Variants in SLC30A9 observed in about 807,000 individuals in gnomAD.
The protein encoded by SLC30A9 is proton-coupled zinc antiporter SLC30A9, mitochondrial.
A neutral mutation model predicts 87.5 loss-of-function variants in SLC30A9; 58 were observed. The ratio of observed to expected loss-of-function variants is 0.66; its 90% CI spans 0.54 to 0.82. The LOEUF is 0.82. SLC30A9 is among the 40% of genes least tolerant of loss of function. SLC30A9 has a pLI of 0.00. For synonymous variants in SLC30A9, 234 were observed against 233.0 expected, an observed-to-expected ratio of 1.00 and a Z score of -0.04; for missense variants, 557 against 679.1, an observed-to-expected ratio of 0.82 and a Z score of 2.00.
chr4:42,054,453 T>TA (rs1717519776), intron 9 of SLC30A9, among the ~76,000 whole-genome samples: 1 of 152,102 alleles, frequency 6.6e-6, no homozygotes, highest in Non-Finnish European at 1.5e-5. Flanking sequence ...GAAATGTGAT[T>TA]ACTTAGTAGA....
At position 42,031,905 on chromosome 4, in the gene SLC30A9, G is replaced by C. The variant is rs867931628; in HGVS notation, c.611-3370G>C. ...CTATCTAGCTGTTTAGTCAGTTCTC[G>C]TATTGCTATAAAGAAATACCTGAGA... On this transcript the variant is annotated intron_variant, in intron 6 of 17. Transcript: ENST00000264451. Among the ~76,000 whole-genome samples the C allele has an allele frequency of 2.0e-5, 3 of 152,182 alleles. No individual in the cohort carries two copies. The East Asian group carries it at 5.8e-4, about 29-fold the overall frequency.
intron 16 of SLC30A9, 97 bp downstream of exon 16, chr4:42,075,883 T>C: frequency 8.4e-7 from 1 of 1,192,802 alleles, no homozygotes; most frequent in South Asian, 1.6e-5. Flanking sequence ...TTAAAGGCAC[T>C]TTAGCTCTCA....
In SLC30A9 at chr4:42,072,812, C is replaced by CTT. The variant is rs71200203; in HGVS notation, c.1418+2139_1418+2140dup. 1.3e-3 allele frequency among the ~76,000 whole-genome samples: 153 copies of CTT among 118,140 alleles called. 1 individual carries two copies. Among genetic ancestry groups the CTT allele is most frequent in the African/African-American group, 4.2e-3 (138 of 32,928 alleles). The allele number at this position is 118,140 out of a possible 152,430, so 77.5% of individuals were successfully genotyped here. A position where few individuals can be genotyped will look rare whatever the true frequency, so the allele number is the denominator to read the frequency against. ...TATCTTCTTGCTCTATTGTTCTATC[C>CTT]TTTTTTTTTTTTTTTTTTTAGATGG... is the stretch of plus-strand genomic sequence containing the variant. On this transcript the variant is annotated intron_variant, in intron 15 of 17. Transcript: ENST00000264451.
intron 9 of SLC30A9, 87 bp downstream of exon 9, chr4:42,049,566 T>A: frequency 1.5e-6 from 1 of 659,980 alleles, no homozygotes; most frequent in Non-Finnish European, 2.5e-6. Flanking sequence ...TAAAACTGAA[T>A]GATTCCAGTA....
At chr4:42,072,897 T>TC (rs1223739648) in intron 15 of SLC30A9, among the ~76,000 whole-genome samples, 1 of 148,402 alleles carries the variant, frequency 6.7e-6, no homozygotes, top group African/African-American at 2.5e-5. Flanking sequence ...CACTGGAACC[T>TC]CCGCCTCCCA....
chr4:42,049,561 CTG>C (rs1259746506), intron 9 of SLC30A9, 82 bp downstream of exon 9: 1 of 696,890 alleles, frequency 1.4e-6, no homozygotes, highest in African/African-American at 1.8e-5. Context: ...TATTTTAAAA[CTG>C]AATGATTCCA....
At chr4:42,032,539 A>G (rs4861013) in intron 6 of SLC30A9, among the ~76,000 whole-genome samples, 38,319 of 152,012 alleles carry the variant, frequency 0.25, 7,068 homozygotes, top group African/African-American at 0.53. Flanking sequence ...CAAAATTTCA[A>G]AGTGGAAATT....
intron 8 of SLC30A9, among the ~76,000 whole-genome samples, chr4:42,041,164 A>G (rs1279964689): frequency 6.6e-6 from 1 of 152,226 alleles, no homozygotes; most frequent in Non-Finnish European, 1.5e-5. Context: ...CTCATGCTTC[A>G]GTCATCTCCC....
At chr4:42,027,642 G>A (rs989567567) in intron 6 of SLC30A9, among the ~76,000 whole-genome samples, 3 of 152,030 alleles carry the variant, frequency 2.0e-5, no homozygotes, top group Admixed American at 2.0e-4. Flanking sequence ...AATATATGTT[G>A]ACATTACTAG....
intron 8 of SLC30A9, among the ~76,000 whole-genome samples, chr4:42,041,709 G>A (rs182762164): frequency 9.2e-5 from 14 of 152,234 alleles, no homozygotes; most frequent in African/African-American, 2.6e-4. Context: ...GCACTCCAAC[G>A]TGGGCAAGAA....
chr4:42,057,873 G>A (rs1255433964), intron 9 of SLC30A9, among the ~76,000 whole-genome samples: 1 of 152,138 alleles, frequency 6.6e-6, no homozygotes, highest in Non-Finnish European at 1.5e-5. Flanking sequence ...GGAGGCTGAG[G>A]CGGGCGGATC....
intron 8 of SLC30A9, among the ~76,000 whole-genome samples, chr4:42,040,732 C>T (rs1716887527): frequency 7.0e-6 from 1 of 142,240 alleles, no homozygotes; most frequent in African/African-American, 2.6e-5. Context: ...GGAGGTGGAG[C>T]TTGCAGTGAG....
At chr4:42,047,529 A>G (rs1717213829) in intron 8 of SLC30A9, among the ~76,000 whole-genome samples, 1 of 152,258 alleles carries the variant, frequency 6.6e-6, no homozygotes, top group South Asian at 2.1e-4. Context: ...CCACAATGAG[A>G]TTCTATCTCA....
intron 6 of SLC30A9, among the ~76,000 whole-genome samples, chr4:42,032,857 A>G (rs1363704397): frequency 6.6e-6 from 1 of 152,228 alleles, no homozygotes; most frequent in African/African-American, 2.4e-5. Context: ...TTGGTAATCA[A>G]CTATTTCTAA....
At chr4:42,069,340 A>G (rs1157438675) in intron 14 of SLC30A9, among the ~76,000 whole-genome samples, 6 of 152,196 alleles carry the variant, frequency 3.9e-5, no homozygotes, top group Non-Finnish European at 8.8e-5. Flanking sequence ...ATGCCAAGAA[A>G]TAAAAGTTTT....
intron 14 of SLC30A9, among the ~76,000 whole-genome samples, chr4:42,069,326 T>C (rs1302782022): frequency 6.6e-6 from 1 of 152,178 alleles, no homozygotes; most frequent in Non-Finnish European, 1.5e-5. Context: ...TTAAATTAAA[T>C]AACATGCCAA....
Position 42,002,003 on chromosome 4 carries a change from T to C in SLC30A9, c.274+223T>C, listed in dbSNP as rs974190205. Among the ~76,000 whole-genome samples, 129 of 152,046 alleles carry C rather than the reference T, an allele frequency of 8.5e-4. 1 individual carries two copies. The highest frequency in any genetic ancestry group is 1.3e-4 in the Non-Finnish European group (9 of 67,938). On this transcript the variant is annotated intron_variant, in intron 2 of 17. Coordinates refer to ENST00000264451, the MANE Select transcript of SLC30A9 (RefSeq NM_006345.4). ...ATCTACTTATCTACTTAAACTAAAATTTTAATTTATTGGTATAAAGTGTAT... is the reference window on the plus strand; with the variant it reads ...ATCTACTTATCTACTTAAACTAAAACTTTAATTTATTGGTATAAAGTGTAT...
intron 2 of SLC30A9, among the ~76,000 whole-genome samples, chr4:42,004,242 G>T (rs939977264): frequency 2.0e-5 from 3 of 152,082 alleles, no homozygotes; most frequent in African/African-American, 7.2e-5. Flanking sequence ...GCTTTAATTT[G>T]AAAGTCTTTT....
chr4:41,998,207 T>C (rs887485508), intron 1 of SLC30A9, among the ~76,000 whole-genome samples: 3 of 152,038 alleles, frequency 2.0e-5, no homozygotes, highest in Non-Finnish European at 4.4e-5. Context: ...GCCATGAGAG[T>C]AAAATAAAGA....
Sources: allele counts gnomAD v4.1 joint callset (sites outside exome capture counted in the v4.1 genomes callset), GRCh38; gene constraint gnomAD v4.1.1; transcripts MANE v1.5; gene names NCBI Gene and HGNC (gene_info 2026-07-23, HGNC 2026-07-21).